TRIM34: variants seen among roughly 807,000 people sequenced by gnomAD.
TRIM34 encodes E3 ubiquitin-protein ligase TRIM34.
In TRIM34, 41 loss-of-function variants were observed where a neutral mutation model predicts 38.1. That is an observed-to-expected ratio of 1.08 (90% confidence interval 0.84 to 1.40). The LOEUF (loss-of-function observed/expected upper bound fraction) is 1.40. TRIM34 is among the 40% of genes most tolerant of loss of function. TRIM34 has a pLI of 0.00. For synonymous variants in TRIM34, 200 were observed against 202.5 expected, an observed-to-expected ratio of 0.99 and a Z score of 0.10; for missense variants, 556 against 571.4, an observed-to-expected ratio of 0.97 and a Z score of 0.27.
upstream of TRIM34, among the ~76,000 whole-genome samples, chr11:5,620,515 T>C (rs2133892599): frequency 6.6e-6 from 1 of 152,258 alleles, no homozygotes; most frequent in South Asian, 2.1e-4. Context: ...TTTTTTTCTC[T>C]TGTGAGGGTT....
At chr11:5,626,341 G>A (rs559464609) in intron 1 of TRIM34, among the ~76,000 whole-genome samples, 4 of 152,190 alleles carry the variant, frequency 2.6e-5, no homozygotes, top group Admixed American at 2.0e-4. Context: ...ACAAGAAGAT[G>A]ACTAATACTA....
rs760122755 is a variant in TRIM34, at chr11:5,643,736, C to G, written c.*27C>G. 19 of 1,549,290 alleles carry G rather than the reference C, an allele frequency of 1.2e-5. No individual in the cohort carries two copies. The East Asian group carries it at 2.5e-4, about 20-fold the overall frequency. ...TTTTCTCATTTCTTCACCTACAACC[C>G]TTTGTCTTGACTTATCTCCTGCAAC... is the stretch of plus-strand genomic sequence containing the variant. On this transcript the variant is annotated 3_prime_UTR_variant, in exon 8 of 8. Transcript: ENST00000429814.
At position 5,643,551 on chromosome 11, in the gene TRIM34, C is replaced by G. The variant is rs1235857144; in HGVS notation, c.1309C>G (p.Leu437Val). ...GCCTCCCTGCCGTGTTGGGGTTTTC[C>G]TCGACTATGAAGCAGGCATTGTCTC... ...AVPPCRVGVF[L>V]DYEAGIVSFF... Residue 437 changes from leucine to valine, a missense_variant, in exon 8 of 8, where the codon CTC becomes GTC. Physicochemically the swap from Leu to Val is conservative, Grantham distance 32. Coordinates refer to ENST00000429814, the MANE Select transcript of TRIM34 (RefSeq NM_021616.6). 1 of 1,614,030 alleles carries G rather than the reference C, an allele frequency of 6.2e-7. No individual in the cohort carries two copies. Among genetic ancestry groups the G allele is most frequent in the Non-Finnish European group, 8.5e-7 (1 of 1,180,036 alleles).
At chr11:5,631,165 C>T (rs1233110070) in intron 1 of TRIM34, among the ~76,000 whole-genome samples, 1 of 152,152 alleles carries the variant, frequency 6.6e-6, no homozygotes, top group Non-Finnish European at 1.5e-5. Flanking sequence ...CCTTTGGGTT[C>T]CTATCAACCT....
At chr11:5,639,701 AAAAAAAG>A (rs1348651448) in intron 4 of TRIM34, among the ~76,000 whole-genome samples, 30 of 144,470 alleles carry the variant, frequency 2.1e-4, no homozygotes, top group African/African-American at 7.6e-4. Context: ...AAAAAAAAAA[AAAAAAAG>A]ATTGGAAGAG....
In TRIM34 at chr11:5,634,870, G is replaced by T. The variant is rs779852754; in HGVS notation, c.750+9G>T. 1.9e-6 allele frequency: 3 copies of T among 1,609,176 alleles called. No homozygotes were observed. Among genetic ancestry groups the T allele is most frequent in the African/African-American group, 1.3e-5 (1 of 74,778 alleles). On this transcript the variant is annotated intron_variant, in intron 4 of 7. Coordinates refer to ENST00000429814, the MANE Select transcript of TRIM34 (RefSeq NM_021616.6). ...CAATGGAGCTGCTGCAGGTAAGAAG[G>T]TTCGCTCAATCTGAGATTCTGGGAA...
intron 1 of TRIM34, among the ~76,000 whole-genome samples, chr11:5,628,407 G>T (rs1729003801): frequency 6.6e-6 from 1 of 152,186 alleles, no homozygotes. Context: ...TCAGATCCTG[G>T]TCTGACCAAT....
Position 5,643,237 on chromosome 11 carries a change from A to G in TRIM34, c.995A>G (p.Gln332Arg), listed in dbSNP as rs768423512. Residue 332 changes from glutamine to arginine, a missense_variant, in exon 8 of 8, where the codon CAG becomes CGG. Transcript: ENST00000429814. ...ATATCTGTGCCAATTTGGCCTTTTCAGTGTTATAATTATGGTGTCTTGGGA... is the reference window on the plus strand; with the variant it reads ...ATATCTGTGCCAATTTGGCCTTTTCGGTGTTATAATTATGGTGTCTTGGGA... ...QVISVPIWPF[Q>R]CYNYGVLGSQ... 6.2e-7 allele frequency: 1 copy of G among 1,613,488 alleles called. No individual in the cohort carries two copies. The highest frequency in any genetic ancestry group is 8.5e-7 in the Non-Finnish European group (1 of 1,179,872).
chr11:5,640,249 T>C (rs898237955), intron 4 of TRIM34, among the ~76,000 whole-genome samples: 19 of 152,202 alleles, frequency 1.2e-4, no homozygotes, highest in African/African-American at 4.6e-4. Context: ...ATGTTAGCTG[T>C]AGGTTTTTCA....
At chr11:5,638,489 T>C (rs923350348) in intron 4 of TRIM34, among the ~76,000 whole-genome samples, 4 of 138,354 alleles carry the variant, frequency 2.9e-5, no homozygotes, top group Non-Finnish European at 6.1e-5. Flanking sequence ...CACCAGCTGG[T>C]GTCATGAAAG....
intron 4 of TRIM34, among the ~76,000 whole-genome samples, chr11:5,639,679 C>CAAAAAAAAAAAAA (rs58134807): frequency 9.8e-5 from 5 of 51,140 alleles, no homozygotes; most frequent in East Asian, 7.0e-4. Context: ...GACTCTATTT[C>CAAAAAAAAAAAAA]AAAAAAAAAA....
chr11:5,636,947 T>A (rs1413787636), intron 4 of TRIM34, among the ~76,000 whole-genome samples: 1 of 152,084 alleles, frequency 6.6e-6, no homozygotes, highest in African/African-American at 2.4e-5. Flanking sequence ...GAGATCGAGA[T>A]CATCCTGGCT....
chr11:5,642,792 A>G (rs781703197), intron 6 of TRIM34, 25 bp from the exon 7 acceptor site: 1 of 1,613,888 alleles, frequency 6.2e-7, no homozygotes, highest in Admixed American at 1.7e-5. Flanking sequence ...TCTAATCAGC[A>G]TCACTGAATC....
upstream of TRIM34, among the ~76,000 whole-genome samples, chr11:5,620,485 G>A (rs576081473): frequency 3.3e-5 from 5 of 152,258 alleles, no homozygotes; most frequent in East Asian, 9.6e-4. Context: ...ACAGGAGTGA[G>A]CCACTGCGTC....
upstream of TRIM34, among the ~76,000 whole-genome samples, chr11:5,624,588 G>A (rs1309569404): frequency 6.6e-6 from 1 of 152,204 alleles, no homozygotes; most frequent in Non-Finnish European, 1.5e-5. Flanking sequence ...GGCAGGGAAG[G>A]TTAAAACAGG....
At chr11:5,642,341 G>T (rs1316118425) in intron 5 of TRIM34, 65 bp from the exon 6 acceptor site, 2 of 1,442,910 alleles carry the variant, frequency 1.4e-6, no homozygotes, top group East Asian at 4.6e-5. Context: ...GATGAAACCA[G>T]TGATGTGGGA....
At chr11:5,637,551 G>A (rs949970012) in intron 4 of TRIM34, among the ~76,000 whole-genome samples, 1 of 152,172 alleles carries the variant, frequency 6.6e-6, no homozygotes, top group Non-Finnish European at 1.5e-5. Flanking sequence ...CTAAATGAGG[G>A]AAAGAAGATG....
In TRIM34 at chr11:5,639,136, C is replaced by A. The variant is rs137924939; in HGVS notation, c.751-2031C>A. ...ATCAGACTTTAAGGTATGAGAAAAC[C>A]CAGGCAGGGTCTTTAAAGGGTTTGT... On this transcript the variant is annotated intron_variant, in intron 4 of 7. Transcript: ENST00000429814. Among the ~76,000 whole-genome samples, 766 of 152,154 alleles carry A rather than the reference C, an allele frequency of 5.0e-3. 4 individuals carry two copies. The highest frequency in any genetic ancestry group is 0.018 in the African/African-American group (728 of 41,504).
chr11:5,642,742 C>A, intron 6 of TRIM34, 75 bp from the exon 7 acceptor site: 10 of 1,589,104 alleles, frequency 6.3e-6, no homozygotes, highest in Non-Finnish European at 8.6e-6. Flanking sequence ...CCTGTCCCTA[C>A]TCTAAAGAAT....
Sources: gnomAD v4.1 joint callset for allele counts (sites outside exome capture counted in the v4.1 genomes callset) on GRCh38, gnomAD v4.1.1 for gene constraint, MANE v1.5 for transcripts, NCBI Gene and HGNC (gene_info 2026-07-23, HGNC 2026-07-21) for gene names.